MYRIP: variants seen among roughly 807,000 people sequenced by gnomAD.
MYRIP encodes rab effector MyRIP.
MYRIP carries 49 observed loss-of-function variants against 98.0 expected under a neutral mutation model. The observed-to-expected ratio is 0.50, with a 90% CI of 0.40 to 0.63. MYRIP has a LOEUF of 0.63. MYRIP is among the 30% of genes least tolerant of loss of function. The pLI is 0.00. For missense variants in MYRIP, 1,004 were observed against 1,058.2 expected, an observed-to-expected ratio of 0.95 and a Z score of 0.71; for synonymous variants, 404 against 409.5, an observed-to-expected ratio of 0.99 and a Z score of 0.16.
chr3:39,820,789 C>T (rs950319843), intron 1 of MYRIP, among the ~76,000 whole-genome samples: 1 of 152,116 alleles, frequency 6.6e-6, no homozygotes, highest in Non-Finnish European at 1.5e-5. Context: ...TGTCAGGTGC[C>T]TCTCCTAGAA....
intron 2 of MYRIP, among the ~76,000 whole-genome samples, chr3:40,027,990 A>G (rs1452859515): frequency 1.3e-5 from 2 of 152,050 alleles, no homozygotes; most frequent in African/African-American, 2.4e-5. Context: ...AAAGAGGGCC[A>G]AGCTCACAGC....
chr3:39,995,690 G>A (rs1044734116), intron 2 of MYRIP, among the ~76,000 whole-genome samples: 38 of 152,058 alleles, frequency 2.5e-4, no homozygotes, highest in Non-Finnish European at 5.0e-4. Flanking sequence ...AATGAATGAC[G>A]CAAAGATACT....
At chr3:39,851,165 G>T (rs1385271760) in intron 1 of MYRIP, among the ~76,000 whole-genome samples, 1 of 152,134 alleles carries the variant, frequency 6.6e-6, no homozygotes, top group Non-Finnish European at 1.5e-5. Flanking sequence ...AATGAATCAA[G>T]ATTTATAAGC....
At chr3:40,152,053 C>A (rs998960209) in intron 4 of MYRIP, among the ~76,000 whole-genome samples, 23 of 152,172 alleles carry the variant, frequency 1.5e-4, no homozygotes, top group Admixed American at 3.3e-4. Context: ...CATGGAGAAT[C>A]ATTAGGGTCT....
intron 2 of MYRIP, among the ~76,000 whole-genome samples, chr3:39,955,316 AAC>A (rs1945128393): frequency 6.6e-6 from 1 of 152,234 alleles, no homozygotes; most frequent in Admixed American, 6.5e-5. Flanking sequence ...CCATCAGACT[AAC>A]AATGGATCTC....
At chr3:39,975,681 G>T (rs934577436) in intron 2 of MYRIP, among the ~76,000 whole-genome samples, 1 of 152,062 alleles carries the variant, frequency 6.6e-6, no homozygotes. Context: ...AAACAGCATG[G>T]TACTGGTACC....
chr3:40,216,757 T>C (rs1021088495), intron 11 of MYRIP, among the ~76,000 whole-genome samples: 11 of 152,188 alleles, frequency 7.2e-5, no homozygotes, highest in Non-Finnish European at 4.4e-5. Context: ...TTCTGTAACA[T>C]GATGAAGAAA....
At chr3:40,193,547 T>C (rs1260973640) in intron 10 of MYRIP, among the ~76,000 whole-genome samples, 6 of 152,150 alleles carry the variant, frequency 3.9e-5, no homozygotes, top group African/African-American at 9.7e-5. Context: ...CCGCAGAGAG[T>C]ATTGTAGCAT....
chr3:39,896,865 T>A (rs1559513894), intron 1 of MYRIP, among the ~76,000 whole-genome samples: 2 of 152,176 alleles, frequency 1.3e-5, no homozygotes. Context: ...TTTTTGTTTT[T>A]TTTTTCATTT....
chr3:39,845,793 GT>G (rs1424470220), intron 1 of MYRIP, among the ~76,000 whole-genome samples: 1 of 145,366 alleles, frequency 6.9e-6, no homozygotes, highest in African/African-American at 2.6e-5. Flanking sequence ...GCCTTTTCCA[GT>G]CAGCGCAAGA....
At chr3:39,996,704 C>A (rs1946368123) in intron 2 of MYRIP, among the ~76,000 whole-genome samples, 1 of 152,214 alleles carries the variant, frequency 6.6e-6, no homozygotes, top group Non-Finnish European at 1.5e-5. Context: ...CTACAGAACT[C>A]TCCACCTCAA....
At chr3:39,884,502 A>C (rs1943238174) in intron 1 of MYRIP, among the ~76,000 whole-genome samples, 1 of 152,076 alleles carries the variant, frequency 6.6e-6, no homozygotes, top group Admixed American at 6.6e-5. Context: ...ATGGGCCCCC[A>C]TCCAGTTAGT....
At chr3:39,940,124 G>A (rs1944751303) in intron 2 of MYRIP, among the ~76,000 whole-genome samples, 1 of 152,064 alleles carries the variant, frequency 6.6e-6, no homozygotes, top group Non-Finnish European at 1.5e-5. Flanking sequence ...ATATATGTGT[G>A]TGTTTTAACA....
intron 11 of MYRIP, among the ~76,000 whole-genome samples, chr3:40,222,000 G>A (rs2125685542): frequency 6.6e-6 from 1 of 152,288 alleles, no homozygotes; most frequent in Non-Finnish European, 1.5e-5. Context: ...GTGATACAGG[G>A]CAGGTGAGCC....
intron 1 of MYRIP, among the ~76,000 whole-genome samples, chr3:39,819,951 A>G (rs1051965194): frequency 4.6e-5 from 7 of 152,238 alleles, no homozygotes; most frequent in Non-Finnish European, 1.0e-4. Flanking sequence ...CTGGGGCAAG[A>G]AAAAACACTG....
chr3:40,096,909 C>T (rs983780675), intron 3 of MYRIP, among the ~76,000 whole-genome samples: 12 of 152,240 alleles, frequency 7.9e-5, no homozygotes, highest in Non-Finnish European at 1.2e-4. Context: ...CCCTGGTTTA[C>T]TGTTTGGGTG....
In MYRIP at chr3:40,009,907, A is replaced by C. The variant is rs181984727; in HGVS notation, c.111-34143A>C. Among the ~76,000 whole-genome samples the C allele has an allele frequency of 2.6e-5, 4 of 152,352 alleles. No homozygotes were observed. The East Asian group carries it at 7.7e-4, about 29-fold the overall frequency. ...TGGCAACTGAGGTCAGCGAGTTGAA[A>C]TAACTTGCCAGGTCTTTCTGTTGCC... On this transcript the variant is annotated intron_variant, in intron 2 of 16. Coordinates refer to ENST00000302541, the MANE Select transcript of MYRIP (RefSeq NM_015460.4).
intron 2 of MYRIP, among the ~76,000 whole-genome samples, chr3:40,042,280 T>A: frequency 8.5e-6 from 1 of 117,992 alleles, no homozygotes; most frequent in Non-Finnish European, 1.7e-5. Context: ...TAATAAAGAC[T>A]GGAAGGATAA....
rs575020311 is a variant in MYRIP, at chr3:39,834,510, A to G, written c.-31+24594A>G. On this transcript the variant is annotated intron_variant, in intron 1 of 16. Transcript: ENST00000302541. ...AGAAAATACCTTAAAATAAAAAAAGAAAGAATCTATTGGTAAAGTTTAACT... is the reference window on the plus strand; with the variant it reads ...AGAAAATACCTTAAAATAAAAAAAGGAAGAATCTATTGGTAAAGTTTAACT... 6.6e-5 allele frequency among the ~76,000 whole-genome samples: 10 copies of G among 152,324 alleles called. 1 individual carries two copies. Among genetic ancestry groups the G allele is most frequent in the African/African-American group, 2.4e-4 (10 of 41,588 alleles).
Sources: gnomAD v4.1 joint callset for allele counts (sites outside exome capture counted in the v4.1 genomes callset) on GRCh38, gnomAD v4.1.1 for gene constraint, MANE v1.5 for transcripts, NCBI Gene and HGNC (gene_info 2026-07-23, HGNC 2026-07-21) for gene names.